The following SORBS2 variants were observed in gnomAD, a reference collection of about 807,000 sequenced individuals.
SORBS2 encodes sorbin and SH3 domain containing 2, also known as sorbin and SH3 domain-containing protein 2.
In SORBS2, 46 loss-of-function variants were observed where a neutral mutation model predicts 97.7. That is an observed-to-expected ratio of 0.47 (90% CI 0.37 to 0.60). SORBS2 has a LOEUF of 0.60. Among genes scored for constraint, SORBS2 ranks in the 20% least tolerant of loss-of-function variants. The pLI is 0.00. For synonymous variants in SORBS2, 476 were observed against 473.4 expected (o/e 1.01, Z -0.07); for missense variants, 1,316 against 1,282.3 (o/e 1.03, Z -0.40).
At chr4:185,886,801 A>G (rs1170139810) in intron 1 of SORBS2, among the ~76,000 whole-genome samples, 1 of 151,422 alleles carries the variant, frequency 6.6e-6, no homozygotes, top group Admixed American at 6.6e-5. Flanking sequence ...TTAGCCTGGA[A>G]CAGACTCAGT....
In SORBS2 at chr4:185,684,399, G is replaced by A. The variant is rs1353826589; in HGVS notation, c.-197-5577C>T. On this transcript the variant is annotated intron_variant, in intron 2 of 20. Transcript: ENST00000284776. The surrounding 1 kb of genome is among the most constrained non-coding windows in gnomAD (Gnocchi z 4.2). ...TTCTATCATTCTGTTCACAACCTTT[G>A]ACAAAGAATCCAGTTAATGAAGATT... 6.6e-6 allele frequency among the ~76,000 whole-genome samples: 1 copy of A among 151,836 alleles called. No individual in the cohort carries two copies. Among genetic ancestry groups the A allele is most frequent in the East Asian group, 1.9e-4 (1 of 5,186 alleles).
In SORBS2 at chr4:185,742,094, C is replaced by A. The variant is rs372558827; in HGVS notation, c.-198+33133G>T. Among the ~76,000 whole-genome samples, 44 of 152,194 alleles carry A rather than the reference C, an allele frequency of 2.9e-4. 1 individual carries two copies. The highest frequency in any genetic ancestry group is 9.9e-4 in the African/African-American group (41 of 41,444). ...TGGACTTGTCTCTCTGGCTTGTTTT[C>A]TCTGCTAATTCTGATGAAGACGATA... On this transcript the variant is annotated intron_variant, in intron 2 of 20. Transcript: ENST00000284776.
At chr4:185,681,769 CA>C (rs1321821369) in intron 2 of SORBS2, among the ~76,000 whole-genome samples, 1 of 152,144 alleles carries the variant, frequency 6.6e-6, no homozygotes, top group Non-Finnish European at 1.5e-5. Flanking sequence ...GGTTCCATGT[CA>C]GGGGTGGAAC....
At chr4:185,632,231 A>T (rs370596977) in intron 4 of SORBS2, among the ~76,000 whole-genome samples, 1 of 152,224 alleles carries the variant, frequency 6.6e-6, no homozygotes, top group South Asian at 2.1e-4. Context: ...ATTTTAATTT[A>T]ATTCTATCTT....
At chr4:185,602,574 T>G (rs1471722387) in intron 12 of SORBS2, among the ~76,000 whole-genome samples, 1 of 152,206 alleles carries the variant, frequency 6.6e-6, no homozygotes, top group African/African-American at 2.4e-5. Context: ...CAATGGTTGA[T>G]GGGGTTGATA....
intron 12 of SORBS2, among the ~76,000 whole-genome samples, chr4:185,610,323 T>C (rs2096513221): frequency 6.6e-6 from 1 of 152,190 alleles, no homozygotes; most frequent in African/African-American, 2.4e-5. Flanking sequence ...ATGAAGATTC[T>C]TATCTTTTCT....
chr4:185,855,627 T>C (rs942040994), intron 1 of SORBS2, among the ~76,000 whole-genome samples: 3 of 152,164 alleles, frequency 2.0e-5, no homozygotes, highest in African/African-American at 7.2e-5. Flanking sequence ...GTAAGAAAGG[T>C]CTATTTATCT....
chr4:185,586,389 A>G (rs1310781124), exon 15 of SORBS2: 2 of 152,650 alleles, frequency 1.3e-5, no homozygotes, highest in Non-Finnish European at 2.9e-5. Flanking sequence ...TGCCTAATTT[A>G]TTCCTAGGAA....
At chr4:185,590,352 T>A (rs1050509934) in intron 13 of SORBS2, among the ~76,000 whole-genome samples, 2 of 152,176 alleles carry the variant, frequency 1.3e-5, no homozygotes, top group East Asian at 1.9e-4. Context: ...AAAGGAAAAT[T>A]ATTTTTTTTA....
chr4:185,760,371 G>T (rs1481380969), intron 2 of SORBS2, among the ~76,000 whole-genome samples: 1 of 152,196 alleles, frequency 6.6e-6, no homozygotes, highest in Non-Finnish European at 1.5e-5. Flanking sequence ...AGACCAGCCT[G>T]GTCAACATGG....
chr4:185,642,846 G>A (rs1235201585), intron 4 of SORBS2, among the ~76,000 whole-genome samples: 1 of 152,194 alleles, frequency 6.6e-6, no homozygotes, highest in Admixed American at 6.5e-5. Context: ...ATAGCAGTGT[G>A]TCAAACCCCT....
chr4:185,659,319 AAAG>A (rs1251490278), upstream of SORBS2, among the ~76,000 whole-genome samples: 2 of 152,164 alleles, frequency 1.3e-5, no homozygotes, highest in East Asian at 3.9e-4. Flanking sequence ...GGCTGCTGTC[AAAG>A]AAGACATGGT....
rs542714227 is a variant in SORBS2 at position 185,626,098 on chromosome 4, T to C, written c.634+734A>G. On this transcript the variant is annotated intron_variant, in intron 6 of 14. Transcript: ENST00000418609. ...CAGAAATATTCCTGTCCTCAAGGAATACCACTAAATGGTCTTCCAGAAACC... is the reference window on the plus strand; with the variant it reads ...CAGAAATATTCCTGTCCTCAAGGAACACCACTAAATGGTCTTCCAGAAACC... Among the ~76,000 whole-genome samples, 40 of 150,304 alleles carry C rather than the reference T, an allele frequency of 2.7e-4. No homozygotes were observed. In the South Asian group the frequency reaches 7.9e-3, roughly 30 times the overall value.
chr4:185,926,325 A>C (rs1443809514), intron 1 of SORBS2, among the ~76,000 whole-genome samples: 1 of 152,168 alleles, frequency 6.6e-6, no homozygotes, highest in East Asian at 1.9e-4. Context: ...CGGGTAGAGG[A>C]AAGTGGATGA....
intron 1 of SORBS2, among the ~76,000 whole-genome samples, chr4:185,938,445 T>C (rs2099270223): frequency 7.0e-6 from 1 of 143,880 alleles, no homozygotes; most frequent in South Asian, 2.3e-4. Flanking sequence ...TTTATTCTAG[T>C]TCCATGCTCT....
In SORBS2 at chr4:185,810,337, T is replaced by C. The variant is rs551544734; in HGVS notation, c.-337-34971A>G. ...ATTGCTACATCTCTGAAACAGGCGG[T>C]TCCTGCCCATATCTATCAGTGAAAA... On this transcript the variant is annotated intron_variant, in intron 1 of 20. Transcript: ENST00000284776. 4.6e-5 allele frequency among the ~76,000 whole-genome samples: 7 copies of C among 152,324 alleles called. No individual in the cohort carries two copies. In the East Asian group the frequency reaches 1.4e-3, roughly 29 times the overall value.
chr4:185,893,629 C>T (rs184211669), intron 1 of SORBS2, among the ~76,000 whole-genome samples: 14 of 152,248 alleles, frequency 9.2e-5, no homozygotes, highest in Admixed American at 2.0e-4. Context: ...TTAACATGCC[C>T]ATGGACATGG....
chr4:185,794,236 G>A (rs1296194388), intron 1 of SORBS2, among the ~76,000 whole-genome samples: 1 of 152,146 alleles, frequency 6.6e-6, no homozygotes, highest in Non-Finnish European at 1.5e-5. Context: ...TGGGGAGAGA[G>A]GGCAGCAGAA....
intron 1 of SORBS2, among the ~76,000 whole-genome samples, chr4:185,916,541 G>A (rs28645785): frequency 4.7e-4 from 72 of 152,284 alleles, no homozygotes; most frequent in African/African-American, 1.7e-3. Flanking sequence ...TCTTGAAGTG[G>A]CCTGGTATAA....
Sources: allele counts gnomAD v4.1 joint callset (sites outside exome capture counted in the v4.1 genomes callset), GRCh38; gene constraint gnomAD v4.1.1; non-coding constraint Gnocchi (gnomAD v3.1); transcripts MANE v1.5; gene names NCBI Gene and HGNC (gene_info 2026-07-23, HGNC 2026-07-21).